The following USH2A variants were observed in gnomAD, a reference collection of about 807,000 sequenced individuals.
The protein encoded by USH2A is usherin, also known as Usher syndrome 2A (autosomal recessive, mild).
USH2A carries 443 observed loss-of-function variants against 538.9 expected under a neutral mutation model. The ratio of observed to expected loss-of-function variants is 0.82; its 90% confidence interval spans 0.76 to 0.89. The LOEUF (loss-of-function observed/expected upper bound fraction) is 0.89. Ranked by LOEUF, USH2A falls within the 40% of genes least tolerant of loss-of-function variation. The probability of loss-of-function intolerance (pLI) is 0.00; values close to 1 mark genes in which losing one functional copy is unlikely to be tolerated. For missense variants in USH2A, 6,633 were observed against 6,324.8 expected (o/e 1.05, Z -1.65); for synonymous variants, 2,413 against 2,273.5 (o/e 1.06, Z -1.75).
chr1:215,667,394 T>A (rs937726319), intron 64 of USH2A, among the ~76,000 whole-genome samples: 1 of 152,146 alleles, frequency 6.6e-6, no homozygotes, highest in Non-Finnish European at 1.5e-5. Context: ...TCCCTCTCTA[T>A]AAGTATCCAT....
chr1:216,417,206 A>C (rs1331957179), intron 3 of USH2A, among the ~76,000 whole-genome samples: 1 of 152,038 alleles, frequency 6.6e-6, no homozygotes, highest in Non-Finnish European at 1.5e-5. Context: ...CTGAAAGCCA[A>C]AACAATGAAC....
intron 4 of USH2A, among the ~76,000 whole-genome samples, chr1:216,342,356 T>C (rs535062341): frequency 6.6e-6 from 1 of 152,244 alleles, no homozygotes; most frequent in East Asian, 1.9e-4. Context: ...AGTGAGACTG[T>C]GGAGAAACAG....
chr1:215,934,308 T>C (rs1480041575), intron 38 of USH2A, among the ~76,000 whole-genome samples: 1 of 151,940 alleles, frequency 6.6e-6, no homozygotes, highest in Non-Finnish European at 1.5e-5. Flanking sequence ...CAAAATCATT[T>C]CCCAATTTTC....
Position 215,647,860 on chromosome 1 carries a change from A to G in USH2A, c.14583-130T>C. ...GAGCTACAGGCTCTTTAAAATTTCC[A>G]TTTGCAGGAAACTGCTCTCAGAAAC... On this transcript the variant is annotated intron_variant, in intron 66 of 71. Coordinates refer to ENST00000307340, the MANE Select transcript of USH2A (RefSeq NM_206933.4). The G allele has an allele frequency of 2.8e-6, 3 of 1,082,254 alleles. No individual in the cohort carries two copies. In the South Asian group the frequency reaches 4.1e-5, roughly 15 times the overall value. 67.0% of individuals were successfully genotyped at this position (1,082,254 alleles called of 1,614,324 possible).
chr1:215,771,579 C>CA (rs759067576), intron 55 of USH2A, among the ~76,000 whole-genome samples: 453 of 44,002 alleles, frequency 0.01, 78 homozygotes, highest in Non-Finnish European at 0.013. Flanking sequence ...GACTCCGTCT[C>CA]AAAAAAAAAA....
At chr1:216,161,135 A>G (rs2102628691) in intron 21 of USH2A, among the ~76,000 whole-genome samples, 1 of 152,074 alleles carries the variant, frequency 6.6e-6, no homozygotes, top group African/African-American at 2.4e-5. Context: ...TTTTTAAATC[A>G]ATCTGAGAAC....
At chr1:215,870,544 C>T (rs1471887723) in intron 43 of USH2A, among the ~76,000 whole-genome samples, 1 of 151,446 alleles carries the variant, frequency 6.6e-6, no homozygotes, top group East Asian at 1.9e-4. Flanking sequence ...ATCCACCCAC[C>T]TCGGCCTCCC....
chr1:216,350,993 C>A (rs1042678970), intron 4 of USH2A, among the ~76,000 whole-genome samples: 1 of 152,180 alleles, frequency 6.6e-6, no homozygotes, highest in African/African-American at 2.4e-5. Context: ...CAGAGGCTCC[C>A]AAGCTTCAAT....
chr1:215,848,886 A>T (rs995594634), intron 44 of USH2A, among the ~76,000 whole-genome samples: 1 of 152,226 alleles, frequency 6.6e-6, no homozygotes, highest in African/African-American at 2.4e-5. Flanking sequence ...TGCTCAAATA[A>T]GGTCTTTAAA....
Position 215,674,490 on chromosome 1 carries a change from A to G in USH2A, c.13421T>C (p.Ile4474Thr). The G allele has an allele frequency of 6.2e-7, 1 of 1,614,138 alleles. No individual in the cohort carries two copies. The highest frequency in any genetic ancestry group is 8.5e-7 in the Non-Finnish European group (1 of 1,180,008). The change falls in exon 63 of 72, where the codon ATC becomes ACC. Residue 4474 changes from isoleucine (I) to threonine (T), a missense_variant. Ile to Thr is a moderately conservative substitution (Grantham distance 89). Transcript: ENST00000307340. Reference sequence around the variant, plus strand: ...ATCCCTCCTAAGTTCATAACTTCTGATCTGGCCATTTGGGTTTCTTGGAGG... The same window carrying G: ...ATCCCTCCTAAGTTCATAACTTCTGGTCTGGCCATTTGGGTTTCTTGGAGG... ...WKPPRNPNGQ[I>T]RSYELRRDGT...
chr1:216,387,777 A>G (rs1369491172), intron 3 of USH2A, among the ~76,000 whole-genome samples: 1 of 152,146 alleles, frequency 6.6e-6, no homozygotes, highest in East Asian at 1.9e-4. Flanking sequence ...GCCACCAGAG[A>G]CAGAAATGAA....
At position 215,974,701 on chromosome 1, in the gene USH2A, G is replaced by A. The variant is rs139373386; in HGVS notation, c.6806-3925C>T. Among the ~76,000 whole-genome samples, 34 of 152,194 alleles carry A rather than the reference G, an allele frequency of 2.2e-4. 1 individual carries two copies. In the East Asian group the frequency reaches 6.2e-3, roughly 28 times the overall value. ...TTTTTCTGTGGTTGTATAGTATTTC[G>A]TAGTGTATATGTATCATATTTTTTC... is the stretch of plus-strand genomic sequence containing the variant. On this transcript the variant is annotated intron_variant, in intron 35 of 71. Coordinates refer to ENST00000307340, the MANE Select transcript of USH2A (RefSeq NM_206933.4).
intron 9 of USH2A, among the ~76,000 whole-genome samples, chr1:216,306,497 C>T (rs2102630864): frequency 6.6e-6 from 1 of 152,182 alleles, no homozygotes; most frequent in African/African-American, 2.4e-5. Context: ...CTTCTGAGTT[C>T]TTTTTCTGGG....
intron 3 of USH2A, among the ~76,000 whole-genome samples, chr1:216,376,166 T>G (rs918671877): frequency 6.6e-6 from 1 of 152,244 alleles, no homozygotes; most frequent in East Asian, 1.9e-4. Context: ...AGCACTAATA[T>G]ATGACATGTT....
At chr1:216,401,667 A>G (rs1571783178) in intron 3 of USH2A, among the ~76,000 whole-genome samples, 1 of 152,106 alleles carries the variant, frequency 6.6e-6, no homozygotes, top group Non-Finnish European at 1.5e-5. Flanking sequence ...ATCAAATAGC[A>G]TAGATTTCAG....
intron 32 of USH2A, among the ~76,000 whole-genome samples, chr1:216,031,057 T>C (rs1442538968): frequency 6.6e-6 from 1 of 152,042 alleles, no homozygotes; most frequent in Non-Finnish European, 1.5e-5. Context: ...ACTGGGCATT[T>C]CTCTATATCA....
At chr1:216,127,143 T>C (rs150852030) in intron 21 of USH2A, among the ~76,000 whole-genome samples, 3,829 of 152,356 alleles carry the variant, frequency 0.025, 79 homozygotes, top group Middle Eastern at 0.082. Context: ...TGAGAAGTTT[T>C]GGAAGTCACA....
chr1:216,219,939 C>G (rs1241792798), intron 14 of USH2A, among the ~76,000 whole-genome samples: 1 of 152,140 alleles, frequency 6.6e-6, no homozygotes, highest in Admixed American at 6.6e-5. Context: ...CCTTACATAA[C>G]TCAGTATTTG....
At chr1:216,291,771 G>T (rs2037006545) in intron 10 of USH2A, among the ~76,000 whole-genome samples, 1 of 152,152 alleles carries the variant, frequency 6.6e-6, no homozygotes, top group Non-Finnish European at 1.5e-5. Flanking sequence ...AAATCTGAAT[G>T]AATGCCATCT....
Sources: gnomAD v4.1 joint callset for allele counts (sites outside exome capture counted in the v4.1 genomes callset) on GRCh38, gnomAD v4.1.1 for gene constraint, MANE v1.5 for transcripts, NCBI Gene and HGNC (gene_info 2026-07-23, HGNC 2026-07-21) for gene names.